The following BEND7 variants were observed in gnomAD, a reference collection of about 807,000 sequenced individuals.
The protein encoded by BEND7 is BEN domain containing 7, also known as BEN domain-containing protein 7.
In BEND7, 28 loss-of-function variants were observed where a neutral mutation model predicts 50.9. The ratio of observed to expected loss-of-function variants is 0.55; its 90% CI spans 0.41 to 0.75. The LOEUF is 0.75. Ranked by LOEUF, BEND7 falls within the 30% of genes least tolerant of loss-of-function variation. BEND7 has a pLI of 0.00. For missense variants in BEND7, 477 were observed against 491.3 expected, an observed-to-expected ratio of 0.97 and a Z score of 0.28; for synonymous variants, 170 against 183.9, an observed-to-expected ratio of 0.92 and a Z score of 0.61.
chr10:13,465,099 G>A (rs1286214957), intron 6 of BEND7, among the ~76,000 whole-genome samples: 2 of 152,178 alleles, frequency 1.3e-5, no homozygotes, highest in Non-Finnish European at 2.9e-5. Context: ...TTCACTGCTG[G>A]CACATAATAG....
At position 13,487,388 on chromosome 10, in the gene BEND7, CTT is replaced by C. The variant is rs930230162; in HGVS notation, c.837+5221_837+5222del. Reference sequence around the variant, plus strand: ...GCCTCAATTTCTTTTCTTTTCTTTTCTTTTTTTTTTTTTTTTGAGACGGAGTC... The same window carrying C: ...GCCTCAATTTCTTTTCTTTTCTTTTCTTTTTTTTTTTTTTGAGACGGAGTC... On this transcript the variant is annotated intron_variant, in intron 5 of 8. Transcript: ENST00000466271. 1.7e-3 allele frequency among the ~76,000 whole-genome samples: 209 copies of C among 122,806 alleles called. 2 individuals carry two copies. The highest frequency in any genetic ancestry group is 7.1e-3 in the African/African-American group (186 of 26,278). 80.6% of individuals were successfully genotyped at this position (122,806 alleles called of 152,430 possible).
chr10:13,465,578 A>T (rs1182337687), intron 6 of BEND7, among the ~76,000 whole-genome samples: 2 of 152,148 alleles, frequency 1.3e-5, no homozygotes, highest in Admixed American at 6.5e-5. Flanking sequence ...TCCAAGCCAT[A>T]TTTATCTGGT....
intron 6 of BEND7, among the ~76,000 whole-genome samples, chr10:13,473,064 C>G (rs1232037030): frequency 6.6e-6 from 1 of 151,980 alleles, no homozygotes. Flanking sequence ...TCCATCATCG[C>G]TATTAAGAGT....
At chr10:13,516,482 T>C (rs1461191088) in intron 2 of BEND7, among the ~76,000 whole-genome samples, 1 of 152,198 alleles carries the variant, frequency 6.6e-6, no homozygotes, top group Non-Finnish European at 1.5e-5. Flanking sequence ...TTCCAGCAGT[T>C]TGGGAGGCCA....
At chr10:13,504,051 G>A (rs2077683542) in intron 2 of BEND7, among the ~76,000 whole-genome samples, 2 of 152,192 alleles carry the variant, frequency 1.3e-5, no homozygotes, top group African/African-American at 4.8e-5. Context: ...GAAGAAAGAG[G>A]TTTCCTTGCA....
intron 5 of BEND7, among the ~76,000 whole-genome samples, chr10:13,491,864 C>T (rs2076688739): frequency 6.6e-6 from 1 of 152,114 alleles, no homozygotes; most frequent in Non-Finnish European, 1.5e-5. Flanking sequence ...GAACAGATCC[C>T]CCATTCTTGT....
At chr10:13,465,098 G>T (rs1351967870) in intron 6 of BEND7, among the ~76,000 whole-genome samples, 1 of 152,180 alleles carries the variant, frequency 6.6e-6, no homozygotes, top group Admixed American at 6.5e-5. Flanking sequence ...ATTCACTGCT[G>T]GCACATAATA....
In BEND7 at chr10:13,457,624, C is replaced by A. The variant is rs1403588340; in HGVS notation, c.1064-4966G>T. ...TACTTACTGAAGACGAAATCCTATT[C>A]CCTCCATTATGATAGCAGATGAGGC... On this transcript the variant is annotated intron_variant, in intron 6 of 8. Transcript: ENST00000466271. Among the ~76,000 whole-genome samples, 3 of 152,278 alleles carry A rather than the reference C, an allele frequency of 2.0e-5. No individual in the cohort carries two copies. In the South Asian group the frequency reaches 6.2e-4, roughly 32 times the overall value.
chr10:13,487,606 G>A (rs181752332), intron 5 of BEND7, among the ~76,000 whole-genome samples: 36 of 151,984 alleles, frequency 2.4e-4, no homozygotes, highest in African/African-American at 3.1e-4. Flanking sequence ...CGCTGGTCTC[G>A]AACTCCTGAT....
chr10:13,528,734 C>T lies in BEND7; in HGVS notation c.-201G>A, dbSNP rs2079572993. On this transcript the variant is annotated 5_prime_UTR_variant, in exon 1 of 9. Transcript: ENST00000466271. ...CGGCTCGGGGCTGCAGGCGCGGGGC[C>T]CGGCGGCGTGGGCTCCCGGGCGAAG... is the stretch of plus-strand genomic sequence containing the variant. 1 of 153,360 alleles carries T rather than the reference C, an allele frequency of 6.5e-6. No individual in the cohort carries two copies. Among genetic ancestry groups the T allele is most frequent in the African/African-American group, 2.4e-5 (1 of 40,830 alleles). The allele number at this position is 153,360 out of a possible 1,614,324, so 9.5% of individuals were successfully genotyped here.
At chr10:13,475,628 A>C (rs561233185) in intron 6 of BEND7, among the ~76,000 whole-genome samples, 1 of 152,252 alleles carries the variant, frequency 6.6e-6, no homozygotes, top group Non-Finnish European at 1.5e-5. Flanking sequence ...ACAGAAAATC[A>C]CTTTGAATAT....
rs2076755748 is a variant in BEND7 at position 13,492,760 on chromosome 10, T to G, written c.688A>C (p.Thr230Pro). The change falls in exon 5 of 9, where the codon ACT (threonine) becomes CCT (proline). Residue 230 changes from threonine to proline, a missense_variant. Physicochemically the swap from Thr to Pro is conservative, Grantham distance 38. Coordinates refer to ENST00000466271, the MANE Select transcript of BEND7 (RefSeq NM_001369863.1). ...KVPPKTVEPL[T>P]VKQKPSGSEM... The stretch of plus-strand genomic sequence containing the variant: ...GACCCACTGGGCTTCTGTTTCACAG[T>G]AAGAGGTTCCACAGTCTTTGGGGGC... The G allele has an allele frequency of 6.2e-7, 1 of 1,613,622 alleles. No homozygotes were observed. The highest frequency in any genetic ancestry group is 1.3e-5 in the African/African-American group (1 of 74,864).
At chr10:13,463,299 G>C (rs1294622693) in intron 6 of BEND7, among the ~76,000 whole-genome samples, 1 of 152,196 alleles carries the variant, frequency 6.6e-6, no homozygotes, top group Non-Finnish European at 1.5e-5. Context: ...CCATTTATGG[G>C]AAGAAGAAAA....
At chr10:13,453,889 C>T (rs1196753530) in intron 6 of BEND7, among the ~76,000 whole-genome samples, 2 of 152,164 alleles carry the variant, frequency 1.3e-5, no homozygotes, top group Non-Finnish European at 2.9e-5. Context: ...TACCTTTGGA[C>T]TGGTAATCTT....
At chr10:13,481,912 G>T (rs906487541) in intron 5 of BEND7, among the ~76,000 whole-genome samples, 19 of 152,186 alleles carry the variant, frequency 1.2e-4, no homozygotes, top group African/African-American at 4.3e-4. Flanking sequence ...CACGCTCGGC[G>T]CTCAGCACGC....
intron 5 of BEND7, among the ~76,000 whole-genome samples, chr10:13,483,912 G>T (rs1379805543): frequency 6.6e-6 from 1 of 152,106 alleles, no homozygotes; most frequent in Non-Finnish European, 1.5e-5. Context: ...CAGGAGACAG[G>T]TACAGCCGCT....
At chr10:13,481,163 TTGA>T (rs2075827409) in intron 5 of BEND7, 39 bp from the exon 6 acceptor site, 1 of 1,599,758 alleles carries the variant, frequency 6.3e-7, no homozygotes, top group South Asian at 1.1e-5. Flanking sequence ...AAAGCAAGAT[TTGA>T]AGCATCTGAC....
At chr10:13,449,039 G>T (rs1332449090) in intron 7 of BEND7, among the ~76,000 whole-genome samples, 1 of 151,870 alleles carries the variant, frequency 6.6e-6, no homozygotes, top group Non-Finnish European at 1.5e-5. Flanking sequence ...CAAACCATGG[G>T]ATAAATGGTG....
intron 1 of BEND7, 33 bp downstream of exon 1, chr10:13,528,440 C>T (rs2079563587): frequency 6.6e-5 from 66 of 992,886 alleles, no homozygotes; most frequent in Non-Finnish European, 7.9e-5. Context: ...GCGGCGCCCG[C>T]TGCCTGCCCC....
Sources: allele counts gnomAD v4.1 joint callset (sites outside exome capture counted in the v4.1 genomes callset), GRCh38; gene constraint gnomAD v4.1.1; transcripts MANE v1.5; gene names NCBI Gene and HGNC (gene_info 2026-07-23, HGNC 2026-07-21).